The following XPNPEP3 variants were observed in gnomAD, a reference collection of about 807,000 sequenced individuals.
The protein encoded by XPNPEP3 is X-prolyl aminopeptidase 3, also known as xaa-Pro aminopeptidase 3.
In XPNPEP3, 41 loss-of-function variants were observed where a neutral mutation model predicts 60.0. The observed-to-expected ratio is 0.68, with a 90% confidence interval of 0.53 to 0.89. The LOEUF is 0.89. Among genes scored for constraint, XPNPEP3 ranks in the 40% least tolerant of loss-of-function variants. The pLI, the probability that XPNPEP3 is intolerant of heterozygous loss-of-function variation, is 0.00. For missense variants in XPNPEP3, 598 were observed against 638.9 expected (o/e 0.94, Z 0.69); for synonymous variants, 212 against 223.2 (o/e 0.95, Z 0.45).
At position 40,884,577 on chromosome 22, in the gene XPNPEP3, A is replaced by AC. The variant is rs372919573; in HGVS notation, c.590-1730dup. On this transcript the variant is annotated intron_variant, in intron 3 of 9. Transcript: ENST00000357137. ...TCGAACTCCTGACCTCAGGTGATCC[A>AC]CCCCCCTCAGCCTCCCAGGGTGCTG... 5.2e-3 allele frequency among the ~76,000 whole-genome samples: 761 copies of AC among 147,312 alleles called. 3 individuals carry two copies. The highest frequency in any genetic ancestry group is 0.018 in the African/African-American group (703 of 39,900).
At chr22:40,913,585 T>G (rs563506108) in intron 6 of XPNPEP3, among the ~76,000 whole-genome samples, 12 of 150,978 alleles carry the variant, frequency 7.9e-5, no homozygotes, top group South Asian at 2.1e-4. Flanking sequence ...GGCATATGGG[T>G]TTTTTTTTCT....
At chr22:40,905,325 C>T (rs1185819288) in intron 4 of XPNPEP3, among the ~76,000 whole-genome samples, 1 of 151,698 alleles carries the variant, frequency 6.6e-6, no homozygotes, top group African/African-American at 2.4e-5. Context: ...CGTGAACCAC[C>T]GCCTCGGCCG....
intron 4 of XPNPEP3, among the ~76,000 whole-genome samples, chr22:40,892,465 G>A (rs1289609540): frequency 1.3e-5 from 2 of 152,140 alleles, no homozygotes; most frequent in Admixed American, 6.6e-5. Context: ...GATTACAGGT[G>A]TGAGCCACCA....
At chr22:40,870,552 A>G (rs2058000106) in intron 2 of XPNPEP3, among the ~76,000 whole-genome samples, 1 of 152,140 alleles carries the variant, frequency 6.6e-6, no homozygotes, top group Non-Finnish European at 1.5e-5. Context: ...GGAATTTTAA[A>G]ACAGAATTAT....
intron 6 of XPNPEP3, among the ~76,000 whole-genome samples, chr22:40,913,829 G>C (rs557391456): frequency 2.6e-4 from 39 of 151,984 alleles, no homozygotes; most frequent in Admixed American, 8.5e-4. Context: ...AGCAATTAGT[G>C]TCCTTTAAAT....
intron 3 of XPNPEP3, among the ~76,000 whole-genome samples, chr22:40,886,037 C>A (rs1015645021): frequency 2.0e-5 from 3 of 152,036 alleles, no homozygotes; most frequent in African/African-American, 7.2e-5. Context: ...AGCTTTAGTC[C>A]CGTATCATCC....
intron 4 of XPNPEP3, among the ~76,000 whole-genome samples, chr22:40,891,917 G>A (rs947204771): frequency 6.6e-6 from 1 of 152,146 alleles, no homozygotes; most frequent in African/African-American, 2.4e-5. Context: ...GCACAACGTG[G>A]GTTTCTGCTG....
intron 1 of XPNPEP3, chr22:40,862,492 A>C: frequency 1.0e-6 from 1 of 985,826 alleles, no homozygotes; most frequent in Non-Finnish European, 1.2e-6. Flanking sequence ...AACAGTTGAC[A>C]TATTTATTTC....
Position 40,898,225 on chromosome 22 carries a change from A to ATT in XPNPEP3, c.793-9324_793-9323dup, listed in dbSNP as rs71200626. 2.4e-3 allele frequency among the ~76,000 whole-genome samples: 68 copies of ATT among 28,784 alleles called. 29 individuals are homozygous for ATT. The highest frequency in any genetic ancestry group is 7.3e-3 in the African/African-American group (46 of 6,278). The allele number at this position is 28,784 out of a possible 152,430, so 18.9% of individuals were successfully genotyped here. A position where few individuals can be genotyped will look rare whatever the true frequency, so the allele number is the denominator to read the frequency against. On this transcript the variant is annotated intron_variant, in intron 4 of 9. Transcript: ENST00000357137. ...TGTTTTATGTTTAGGTCTTTGACCC[A>ATT]TTTTTTTTTTTTTTTTTTTTTTTTT... is the stretch of plus-strand genomic sequence containing the variant.
intron 3 of XPNPEP3, among the ~76,000 whole-genome samples, chr22:40,882,675 ACAGTGAGC>A (rs1385282210): frequency 1.3e-5 from 2 of 151,950 alleles, no homozygotes; most frequent in Non-Finnish European, 2.9e-5. Flanking sequence ...GCAGGAGGTT[ACAGTGAGC>A]CAGTGAGCTA....
At chr22:40,919,110 T>A (rs2058207053) in intron 7 of XPNPEP3, among the ~76,000 whole-genome samples, 1 of 152,162 alleles carries the variant, frequency 6.6e-6, no homozygotes, top group African/African-American at 2.4e-5. Flanking sequence ...CAATTAAAAA[T>A]TTTTTAAATT....
chr22:40,863,397 C>G (rs1162189490), intron 1 of XPNPEP3, among the ~76,000 whole-genome samples: 1 of 152,086 alleles, frequency 6.6e-6, no homozygotes, highest in Non-Finnish European at 1.5e-5. Flanking sequence ...CTTTGTTTTT[C>G]CTCCTCTATG....
chr22:40,861,273 G>A (rs750320815), intron 1 of XPNPEP3: 24 of 1,614,004 alleles, frequency 1.5e-5, no homozygotes, highest in Non-Finnish European at 2.0e-5. Context: ...GAATGACTGT[G>A]TTCTCCAGCT....
intron 7 of XPNPEP3, among the ~76,000 whole-genome samples, chr22:40,916,430 G>A (rs904589765): frequency 1.3e-5 from 2 of 152,120 alleles, no homozygotes; most frequent in African/African-American, 4.8e-5. Flanking sequence ...ATGAGAAATA[G>A]AAACAAAAAA....
rs766199609 is a variant in XPNPEP3 at position 40,861,835 on chromosome 22, C to T, written c.64+4590C>T. ...CGTTTCTCATCATTTGATAATACCT[C>T]GTATGCCTCAGCTACTTCTTTGAAT... On this transcript the variant is annotated intron_variant, in intron 1 of 9. Transcript: ENST00000357137. 19 of 1,613,908 alleles carry T rather than the reference C, an allele frequency of 1.2e-5. No individual in the cohort carries two copies. Among genetic ancestry groups the T allele is most frequent in the Admixed American group, 1.7e-5 (1 of 59,960 alleles).
chr22:40,921,725 TA>T (rs1052582395), intron 7 of XPNPEP3, among the ~76,000 whole-genome samples: 57 of 152,302 alleles, frequency 3.7e-4, no homozygotes, highest in Non-Finnish European at 6.3e-4. Flanking sequence ...AGTAGAATTA[TA>T]AGCTCTAGTT....
intron 7 of XPNPEP3, among the ~76,000 whole-genome samples, chr22:40,914,806 G>C (rs1047202008): frequency 1.3e-5 from 2 of 151,716 alleles, no homozygotes; most frequent in African/African-American, 4.8e-5. Flanking sequence ...AGCTTGATTG[G>C]ATTAATCCTC....
intron 8 of XPNPEP3, among the ~76,000 whole-genome samples, chr22:40,923,542 TTAAC>T (rs1325288519): frequency 6.6e-6 from 1 of 152,004 alleles, no homozygotes; most frequent in African/African-American, 2.4e-5. Flanking sequence ...CAACAAATCT[TTAAC>T]TAACTGACGG....
intron 1 of XPNPEP3, among the ~76,000 whole-genome samples, chr22:40,864,632 A>G (rs1223424237): frequency 3.3e-5 from 5 of 151,940 alleles, no homozygotes; most frequent in Admixed American, 2.6e-4. Context: ...TTTAGTAGAG[A>G]GGGGGTTTCT....
Sources: allele counts gnomAD v4.1 joint callset (sites outside exome capture counted in the v4.1 genomes callset), GRCh38; gene constraint gnomAD v4.1.1; transcripts MANE v1.5; gene names NCBI Gene and HGNC (gene_info 2026-07-23, HGNC 2026-07-21).